The following TRMT44 variants were observed in gnomAD, a reference collection of about 807,000 sequenced individuals.
TRMT44 encodes the protein tRNA methyltransferase 44 homolog.
Under a neutral mutation model 77.3 loss-of-function variants are expected in TRMT44, and 78 were observed. The ratio of observed to expected loss-of-function variants is 1.01; its 90% CI spans 0.84 to 1.22. The LOEUF is 1.22. TRMT44 is among the 50% of genes most tolerant of loss of function. The probability of loss-of-function intolerance (pLI) is 0.00; values close to 1 mark genes in which losing one functional copy is unlikely to be tolerated. For missense variants in TRMT44, 1,090 were observed against 964.4 expected (o/e 1.13, Z -1.73); for synonymous variants, 391 against 383.3 (o/e 1.02, Z -0.23).
chr4:8,506,883 G>A, the TRMT44 span: 1 of 152,658 alleles, frequency 6.6e-6, no homozygotes, highest in Non-Finnish European at 1.5e-5. Context: ...CCCTCGGTCA[G>A]CCGCCTGCAA....
chr4:8,510,028 C>T, the TRMT44 span, among the ~76,000 whole-genome samples: 1 of 152,168 alleles, frequency 6.6e-6, no homozygotes, highest in South Asian at 2.1e-4. Flanking sequence ...GTGTCTGCAG[C>T]TGCAGAGCGA....
Position 8,449,820 on chromosome 4 carries a change from C to T in TRMT44, c.886C>T (p.Leu296Phe). 6.5e-7 allele frequency: 1 copy of T among 1,535,950 alleles called. No individual in the cohort carries two copies. Among genetic ancestry groups the T allele is most frequent in the South Asian group, 1.2e-5 (1 of 84,042 alleles). Residue 296 changes from leucine to phenylalanine, a missense_variant, in exon 3 of 11, where the codon CTC becomes TTC. By Grantham distance (22) the Leu-to-Phe change is conservative. Coordinates refer to ENST00000389737, the MANE Select transcript of TRMT44 (RefSeq NM_152544.3). ...KKSDFKSTLS[L>F]ISIMKYSKAY... is the part of the protein sequence containing the mutation. The stretch of plus-strand genomic sequence containing the variant: ...GAGTGACTTTAAAAGCACCCTTTCC[C>T]TCATCTCCATTATGAAGTATAGCAA...
intron 2 of TRMT44, among the ~76,000 whole-genome samples, chr4:8,489,162 C>T (rs2109229632): frequency 6.6e-6 from 1 of 152,358 alleles, no homozygotes; most frequent in Admixed American, 6.5e-5. Flanking sequence ...GCCCTGGCCC[C>T]ATGTGCTCAC....
In TRMT44 at chr4:8,440,931, C is replaced by G. The variant is rs1421796048; in HGVS notation, c.109C>G (p.Arg37Gly). ...GGAGAGGCCGCAGGTGGCAAACAAA[C>G]GGCTTTGCGGCGCCCGCCTGGAGGC... is the stretch of plus-strand genomic sequence containing the variant. ...WLERPQVANK[R>G]LCGARLEARW... is the part of the protein sequence containing the mutation. Residue 37 changes from arginine to glycine, a missense_variant, in exon 1 of 11, where the codon CGG becomes GGG. Arg to Gly is a moderately radical substitution (Grantham distance 125, BLOSUM62 -2). Coordinates refer to ENST00000389737, the MANE Select transcript of TRMT44 (RefSeq NM_152544.3). The G allele has an allele frequency of 5.2e-6, 8 of 1,530,202 alleles. No homozygotes were observed. The highest frequency in any genetic ancestry group is 7.0e-6 in the Non-Finnish European group (8 of 1,145,364). The allele number at this position is 1,530,202 out of a possible 1,614,324, so 94.8% of individuals were successfully genotyped here.
the TRMT44 span, among the ~76,000 whole-genome samples, chr4:8,505,101 G>A: frequency 6.6e-6 from 1 of 152,142 alleles, no homozygotes; most frequent in African/African-American, 2.4e-5. Context: ...AGGAAGAGGC[G>A]GTGCTACACT....
intron 6 of TRMT44, among the ~76,000 whole-genome samples, chr4:8,456,163 C>T (rs1725798378): frequency 6.6e-6 from 1 of 152,202 alleles, no homozygotes; most frequent in South Asian, 2.1e-4. Context: ...GTAGTCCATT[C>T]AGTGCTACTG....
At chr4:8,480,551 GCTTGCT>G (rs1305192762), downstream of TRMT44, among the ~76,000 whole-genome samples, 1 of 152,164 alleles carries the variant, frequency 6.6e-6, no homozygotes, top group African/African-American at 2.4e-5. Context: ...CTCTTAATGC[GCTTGCT>G]CTAGCCCACT....
chr4:8,441,265 A>T lies in TRMT44; in HGVS notation c.443A>T (p.Asp148Val), dbSNP rs1267883989. 1.3e-6 allele frequency: 2 copies of T among 1,535,386 alleles called. No individual in the cohort carries two copies. The highest frequency in any genetic ancestry group is 2.4e-5 in the East Asian group (1 of 40,884). ...GCAGATCTGGATTCGCTTTGGGAGG[A>T]TTTCTCCCAAAGTCTCGCCCGTGGC... ...PAADLDSLWEDFSQSLARGNS... is the reference protein window; with the variant it reads ...PAADLDSLWEVFSQSLARGNS... The change falls in exon 1 of 11, where the codon GAT becomes GTT. Residue 148 changes from aspartate (D) to valine (V), a missense_variant. Physicochemically the swap from Asp to Val is radical, Grantham distance 152. Coordinates refer to ENST00000389737, the MANE Select transcript of TRMT44 (RefSeq NM_152544.3).
At chr4:8,501,917 G>A in the TRMT44 span, among the ~76,000 whole-genome samples, 1 of 152,210 alleles carries the variant, frequency 6.6e-6, no homozygotes, top group African/African-American at 2.4e-5. The surrounding 1 kb of genome is among the most constrained non-coding windows in gnomAD (Gnocchi z 4.4). Context: ...TCTCTCTGTT[G>A]AGAAGACTGG....
chr4:8,460,487 T>C (rs1292738637), intron 6 of TRMT44, among the ~76,000 whole-genome samples: 1 of 152,200 alleles, frequency 6.6e-6, no homozygotes, highest in East Asian at 1.9e-4. Context: ...CTCAGGCATA[T>C]CATTTCATAG....
intron 9 of TRMT44, 177 bp from the exon 10 acceptor site, chr4:8,470,907 C>T (rs979233950): frequency 2.4e-5 from 13 of 539,524 alleles, no homozygotes; most frequent in Admixed American, 1.1e-4. Context: ...GGGGACGCCA[C>T]GGCCCTCACG....
chr4:8,512,952 G>A, the TRMT44 span, among the ~76,000 whole-genome samples: 688 of 152,170 alleles, frequency 4.5e-3, 8 homozygotes, highest in African/African-American at 0.015. Flanking sequence ...TCACTCTCTC[G>A]CCCGGGCTGG....
intron 1 of TRMT44, among the ~76,000 whole-genome samples, chr4:8,445,503 C>T (rs933811003): frequency 3.9e-5 from 6 of 152,250 alleles, no homozygotes; most frequent in African/African-American, 1.4e-4. Context: ...CACCTGAGCA[C>T]ACGCCTGCCC....
At chr4:8,515,927 G>A in the TRMT44 span, among the ~76,000 whole-genome samples, 1 of 152,188 alleles carries the variant, frequency 6.6e-6, no homozygotes. Context: ...GAAAATATTG[G>A]AAGAGCTCGC....
chr4:8,516,520 C>A, the TRMT44 span, among the ~76,000 whole-genome samples: 1 of 152,232 alleles, frequency 6.6e-6, no homozygotes, highest in Non-Finnish European at 1.5e-5. Context: ...TGGCTCATGC[C>A]TGTCATCTCA....
chr4:8,461,981 A>T lies in TRMT44; in HGVS notation c.1204-2004A>T, dbSNP rs1012564696. ...TCAAAAACCTCATTTGATTGCAAGC[A>T]AGAGAGTGTTAAAAAACTAAAAACA... On this transcript the variant is annotated intron_variant, in intron 6 of 10. Transcript: ENST00000389737. The surrounding 1 kb of genome is among the most constrained non-coding windows in gnomAD (Gnocchi z 4.6). 2.5e-4 allele frequency among the ~76,000 whole-genome samples: 38 copies of T among 152,244 alleles called. No homozygotes were observed. Among genetic ancestry groups the T allele is most frequent in the Admixed American group, 2.4e-3 (37 of 15,280 alleles).
At chr4:8,486,241 A>T (rs1006792196) in intron 2 of TRMT44, among the ~76,000 whole-genome samples, 1 of 152,186 alleles carries the variant, frequency 6.6e-6, no homozygotes, top group Non-Finnish European at 1.5e-5. Flanking sequence ...TGGCACTTGT[A>T]GCAAGCTCCT....
rs1248473348 is a variant in TRMT44 at position 8,446,149 on chromosome 4, CAGTT to C, written c.620-324_620-321del. On this transcript the variant is annotated intron_variant, in intron 1 of 10. Coordinates refer to ENST00000389737, the MANE Select transcript of TRMT44 (RefSeq NM_152544.3). The surrounding 1 kb of genome is among the most constrained non-coding windows in gnomAD (Gnocchi z 4.3). ...TCATGGTCAGGCTGTGGCAGACACTCAGTTAGGGCAGAGGTCCCCTGTTTTCTCT... is the reference window on the plus strand; with the variant it reads ...TCATGGTCAGGCTGTGGCAGACACTCAGGGCAGAGGTCCCCTGTTTTCTCT... Among the ~76,000 whole-genome samples, 2 of 152,326 alleles carry C rather than the reference CAGTT, an allele frequency of 1.3e-5. No individual in the cohort carries two copies. The highest frequency in any genetic ancestry group is 1.9e-4 in the East Asian group (1 of 5,186).
intron 2 of TRMT44, among the ~76,000 whole-genome samples, chr4:8,484,516 T>TA (rs375482371): frequency 8.5e-4 from 130 of 152,302 alleles, no homozygotes; most frequent in Non-Finnish European, 1.4e-3. Flanking sequence ...ATGGCAAGCC[T>TA]AAAACAGTAA....
Sources: allele counts gnomAD v4.1 joint callset (sites outside exome capture counted in the v4.1 genomes callset), GRCh38; gene constraint gnomAD v4.1.1; non-coding constraint Gnocchi (gnomAD v3.1); transcripts MANE v1.5; gene names NCBI Gene and HGNC (gene_info 2026-07-23, HGNC 2026-07-21).